The following SEMA5B variants were observed in gnomAD, a reference collection of about 807,000 sequenced individuals.
SEMA5B encodes semaphorin-5B.
SEMA5B carries 66 observed loss-of-function variants against 135.0 expected under a neutral mutation model. That is an observed-to-expected ratio of 0.49 (90% CI 0.40 to 0.60). The LOEUF is 0.60. Ranked by LOEUF, SEMA5B falls within the 20% of genes least tolerant of loss-of-function variation. The pLI is 0.00. For synonymous variants in SEMA5B, 690 were observed against 639.5 expected, an observed-to-expected ratio of 1.08 and a Z score of -1.19; for missense variants, 1,501 against 1,566.3, an observed-to-expected ratio of 0.96 and a Z score of 0.70.
chr3:122,918,150 C>T (rs1167083605), intron 12 of SEMA5B, among the ~76,000 whole-genome samples: 2 of 152,148 alleles, frequency 1.3e-5, no homozygotes, highest in Non-Finnish European at 1.5e-5. Flanking sequence ...TAATAATAAA[C>T]AATATTCTAT....
intron 4 of SEMA5B, among the ~76,000 whole-genome samples, chr3:122,940,629 G>A (rs1028844789): frequency 6.6e-6 from 1 of 152,270 alleles, no homozygotes; most frequent in African/African-American, 2.4e-5. Flanking sequence ...GACCGGAAGA[G>A]AAAGAGGGCC....
chr3:122,951,915 C>T (rs1940063311), intron 2 of SEMA5B, among the ~76,000 whole-genome samples: 1 of 152,150 alleles, frequency 6.6e-6, no homozygotes, highest in African/African-American at 2.4e-5. Context: ...TTTTTCCTGC[C>T]TAAGTTTCTT....
chr3:122,973,745 C>T (rs1941212376), intron 1 of SEMA5B, among the ~76,000 whole-genome samples: 1 of 152,132 alleles, frequency 6.6e-6, no homozygotes, highest in Non-Finnish European at 1.5e-5. Context: ...CCTCCCTGTC[C>T]CACTCTGGGA....
chr3:122,920,092 A>G (rs1349960444), intron 12 of SEMA5B, among the ~76,000 whole-genome samples: 1 of 152,110 alleles, frequency 6.6e-6, no homozygotes, highest in Non-Finnish European at 1.5e-5. Flanking sequence ...GCTGTTCACC[A>G]CTGTCTGATT....
intron 1 of SEMA5B, among the ~76,000 whole-genome samples, chr3:123,023,899 C>G (rs542954277): frequency 6.6e-6 from 1 of 152,310 alleles, no homozygotes; most frequent in African/African-American, 2.4e-5. Context: ...TTTACTGCCA[C>G]TGGATGGTCT....
At chr3:122,973,772 G>A (rs1044896192) in intron 1 of SEMA5B, among the ~76,000 whole-genome samples, 1 of 152,190 alleles carries the variant, frequency 6.6e-6, no homozygotes, top group African/African-American at 2.4e-5. Flanking sequence ...AACCCACCAA[G>A]TGTGGAGCCC....
intron 1 of SEMA5B, among the ~76,000 whole-genome samples, chr3:122,974,508 G>T (rs1941243229): frequency 6.6e-6 from 1 of 152,256 alleles, no homozygotes; most frequent in Admixed American, 6.5e-5. Context: ...CAGCTGACTG[G>T]TCCTTCTGGG....
intron 1 of SEMA5B, among the ~76,000 whole-genome samples, chr3:122,977,447 G>A (rs1941368532): frequency 1.3e-5 from 2 of 152,132 alleles, no homozygotes; most frequent in South Asian, 4.1e-4. Flanking sequence ...AATGTAATTG[G>A]ACAACCTATA....
chr3:123,026,496 C>G (rs1016663345), intron 1 of SEMA5B, among the ~76,000 whole-genome samples: 1 of 152,150 alleles, frequency 6.6e-6, no homozygotes, highest in South Asian at 2.1e-4. Context: ...GCAGGTGATC[C>G]TCCTCCTTGT....
chr3:122,998,079 G>A (rs989419593), intron 1 of SEMA5B, among the ~76,000 whole-genome samples: 1 of 152,222 alleles, frequency 6.6e-6, no homozygotes, highest in South Asian at 2.1e-4. Flanking sequence ...GCCACAGCCT[G>A]TCAAGATGCT....
At chr3:122,990,901 C>CA (rs1177513745) in intron 1 of SEMA5B, among the ~76,000 whole-genome samples, 1 of 152,232 alleles carries the variant, frequency 6.6e-6, no homozygotes, top group African/African-American at 2.4e-5. Flanking sequence ...CTCCCGAAGG[C>CA]AGGGCTCACC....
Position 122,961,108 on chromosome 3 carries a change from G to T in SEMA5B, c.124+32C>A, listed in dbSNP as rs746771136. 5 of 1,573,414 alleles carry T rather than the reference G, an allele frequency of 3.2e-6. No homozygotes were observed. The South Asian group carries it at 5.8e-5, about 18-fold the overall frequency. On this transcript the variant is annotated intron_variant, in intron 2 of 22. Coordinates refer to ENST00000357599, the MANE Select transcript of SEMA5B (RefSeq NM_001031702.4). ...CTCTCCCCTCAGTCTGGTACCTGCT[G>T]CAGCCCCCCACACTCCCCTGGGCAC... is the stretch of plus-strand genomic sequence containing the variant.
chr3:122,913,855 C>T lies in SEMA5B; in HGVS notation c.2132+3G>A. 6.3e-7 allele frequency: 1 copy of T among 1,598,708 alleles called. No individual in the cohort carries two copies. The highest frequency in any genetic ancestry group is 1.1e-5 in the South Asian group (1 of 88,502). Reference sequence around the variant, plus strand: ...ACCTCAGAGCAAGCCTGTTCTCCCTCACCGTTCCTCCCGGCTCTTGCCCAC... The same window carrying T: ...ACCTCAGAGCAAGCCTGTTCTCCCTTACCGTTCCTCCCGGCTCTTGCCCAC... On this transcript the variant is annotated splice_donor_region_variant and intron_variant, in intron 15 of 22. Coordinates refer to ENST00000357599, the MANE Select transcript of SEMA5B (RefSeq NM_001031702.4).
chr3:122,944,224 C>T (rs1331899089), intron 3 of SEMA5B, among the ~76,000 whole-genome samples: 1 of 152,178 alleles, frequency 6.6e-6, no homozygotes, highest in East Asian at 1.9e-4. Flanking sequence ...CCTAAACTCT[C>T]CACCCCAGCC....
intron 5 of SEMA5B, among the ~76,000 whole-genome samples, chr3:122,939,098 T>A (rs982475197): frequency 2.0e-5 from 3 of 152,226 alleles, no homozygotes; most frequent in African/African-American, 7.2e-5. Flanking sequence ...GTTTTTGCAC[T>A]GGAAGTTCTG....
chr3:122,981,200 A>C (rs943416140), intron 1 of SEMA5B, among the ~76,000 whole-genome samples: 1 of 152,128 alleles, frequency 6.6e-6, no homozygotes, highest in Admixed American at 6.5e-5. Context: ...TCCCTTTAGG[A>C]TTAGTTCTCA....
In SEMA5B at chr3:122,987,604, G is replaced by A. The variant is rs369255259; in HGVS notation, c.-38-26303C>T. Among the ~76,000 whole-genome samples the A allele has an allele frequency of 5.9e-5, 9 of 152,324 alleles. No homozygotes were observed. In the East Asian group the frequency reaches 7.7e-4, roughly 13 times the overall value. On this transcript the variant is annotated intron_variant, in intron 1 of 22. Coordinates refer to ENST00000357599, the MANE Select transcript of SEMA5B (RefSeq NM_001031702.4). ...GAGGCACCACTCTCCCCAGAGGCTC[G>A]GAAAGGGCAGGAGTGTTTATGCTGC...
Position 122,912,069 on chromosome 3 carries a change from T to G in SEMA5B, c.2897A>C (p.Glu966Ala), listed in dbSNP as rs1478145104. The part of the protein sequence containing the change: ...EALCATQACP[E>A]GWSPWSEWSK... ...CCACTCAGACCAGGGCGACCAGCCTTCTGGGGATTGTGGGTAGGATGAGGT... is the reference window on the plus strand; with the variant it reads ...CCACTCAGACCAGGGCGACCAGCCTGCTGGGGATTGTGGGTAGGATGAGGT... Residue 966 changes from glutamate (E) to alanine (A), a missense_variant and splice_region_variant, in exon 20 of 23, where the codon GAA (glutamate) becomes GCA (alanine). Transcript: ENST00000357599. The G allele has an allele frequency of 1.9e-6, 3 of 1,609,240 alleles. No individual in the cohort carries two copies. The African/African-American group carries it at 4.0e-5, about 21-fold the overall frequency.
At chr3:122,928,706 C>A (rs898577190) in intron 6 of SEMA5B, 91 bp from the exon 7 acceptor site, 6 of 999,936 alleles carry the variant, frequency 6.0e-6, no homozygotes, top group Non-Finnish European at 7.5e-6. Context: ...TGGATGCCAA[C>A]AAGTATTCTA....
Sources: allele counts gnomAD v4.1 joint callset (sites outside exome capture counted in the v4.1 genomes callset), GRCh38; gene constraint gnomAD v4.1.1; transcripts MANE v1.5; gene names NCBI Gene and HGNC (gene_info 2026-07-23, HGNC 2026-07-21).